Variants in FAM91A1 observed in about 807,000 individuals in gnomAD.
FAM91A1 encodes the protein protein FAM91A1.
FAM91A1 carries 41 observed loss-of-function variants against 113.5 expected under a neutral mutation model. The ratio of observed to expected loss-of-function variants is 0.36; its 90% confidence interval spans 0.28 to 0.47. FAM91A1 has a LOEUF of 0.47. FAM91A1 is among the 20% of genes least tolerant of loss of function. FAM91A1 has a pLI of 1.00. For synonymous variants in FAM91A1, 307 were observed against 347.9 expected, an observed-to-expected ratio of 0.88 and a Z score of 1.31; for missense variants, 696 against 1,001.2, an observed-to-expected ratio of 0.70 and a Z score of 4.11.
chr8:123,799,988 A>C, intron 18 of FAM91A1, 103 bp downstream of exon 18: 1 of 986,992 alleles, frequency 1.0e-6, no homozygotes, highest in South Asian at 1.8e-5. Flanking sequence ...TTTGAAATTT[A>C]TGAAGTTGAA....
At chr8:123,785,177 T>C (rs1330153304) in intron 10 of FAM91A1, 58 bp downstream of exon 10, 1 of 1,337,468 alleles carries the variant, frequency 7.5e-7, no homozygotes, top group Non-Finnish European at 1.0e-6. Flanking sequence ...ATTTTACTAG[T>C]AGATTTTTAT....
At chr8:123,806,336 A>G in intron 20 of FAM91A1, 107 bp downstream of exon 20, 11 of 1,154,220 alleles carry the variant, frequency 9.5e-6, no homozygotes, top group Non-Finnish European at 1.3e-5. Flanking sequence ...GAATTATTGA[A>G]TACTCAATAT....
chr8:123,785,222 T>C, intron 10 of FAM91A1, 103 bp downstream of exon 10: 1 of 1,001,814 alleles, frequency 1.0e-6, no homozygotes, highest in South Asian at 1.7e-5. Flanking sequence ...GACATTGAGA[T>C]TGTTGTTAGC....
At chr8:123,787,176 A>G in intron 12 of FAM91A1, 85 bp from the exon 13 acceptor site, 1 of 1,035,640 alleles carries the variant, frequency 9.7e-7, no homozygotes, top group Admixed American at 2.1e-5. Flanking sequence ...GTTATCAAAT[A>G]AAGCTGAAAT....
In FAM91A1 at chr8:123,814,519, G is replaced by A. The variant is rs1438749788; in HGVS notation, c.*1815G>A. 1 of 159,146 alleles carries A rather than the reference G, an allele frequency of 6.3e-6. No individual in the cohort carries two copies. The highest frequency in any genetic ancestry group is 1.4e-5 in the Non-Finnish European group (1 of 72,632). The allele number at this position is 159,146 out of a possible 1,614,324, so 9.9% of individuals were successfully genotyped here. On this transcript the variant is annotated 3_prime_UTR_variant, in exon 24 of 24. Transcript: ENST00000334705. ...GAACCCAGTTGTTGGTGAATTTAAA[G>A]CTTAAAATATGGGAATGATTTGCTG...
chr8:123,806,555 TG>T (rs1815817924), intron 20 of FAM91A1, among the ~76,000 whole-genome samples: 1 of 152,202 alleles, frequency 6.6e-6, no homozygotes, highest in Admixed American at 6.5e-5. Flanking sequence ...TTTCCAAAAT[TG>T]ACTTAATAGT....
chr8:123,808,222 T>C, intron 20 of FAM91A1, 50 bp from the exon 21 acceptor site: 1 of 1,465,518 alleles, frequency 6.8e-7, no homozygotes, highest in Non-Finnish European at 9.4e-7. Flanking sequence ...TATTGGCAGC[T>C]TCTGCTAACT....
rs72715051 is a variant in FAM91A1, at chr8:123,814,809, T to C, written c.*2105T>C. ...TTTGTTTTACTTATACATTAACTCA[T>C]GTAATCTCTTAAATCTTACAAGCAT... is the stretch of plus-strand genomic sequence containing the variant. On this transcript the variant is annotated 3_prime_UTR_variant, in exon 24 of 24. Transcript: ENST00000334705. 0.016 allele frequency: 2,419 copies of C among 152,802 alleles called. 35 individuals are homozygous for C. Among genetic ancestry groups the C allele is most frequent in the Middle Eastern group, 0.031 (9 of 294 alleles). The allele number at this position is 152,802 out of a possible 1,614,324, so 9.5% of individuals were successfully genotyped here.
At chr8:123,775,081 G>T in intron 2 of FAM91A1, 66 bp from the exon 3 acceptor site, 1 of 1,417,722 alleles carries the variant, frequency 7.1e-7, no homozygotes. Context: ...TTTGTAAAGT[G>T]TTCATAGTTA....
intron 17 of FAM91A1, 44 bp from the exon 18 acceptor site, chr8:123,799,728 C>A: frequency 6.2e-7 from 1 of 1,604,048 alleles, no homozygotes; most frequent in East Asian, 2.2e-5. Flanking sequence ...TAATATTTTC[C>A]TTATTTCTGA....
Position 123,775,235 on chromosome 8 carries a change from A to G in FAM91A1, c.246A>G (p.Leu82=). The change falls in exon 3 of 24, where the codon CTA becomes CTG. Residue 82 remains leucine (L), a synonymous_variant. Transcript: ENST00000334705. ...ATCTCATGCTGTACCCTTACCATCTATCGGATATTATGGTGAAAGGCTTGA... is the reference window on the plus strand; with the variant it reads ...ATCTCATGCTGTACCCTTACCATCTGTCGGATATTATGGTGAAAGGCTTGA... The part of the protein sequence containing the change: ...RDHLMLYPYH[L]SDIMVKGLRI... The G allele has an allele frequency of 3.7e-6, 6 of 1,614,000 alleles. No individual in the cohort carries two copies. The highest frequency in any genetic ancestry group is 2.2e-5 in the South Asian group (2 of 91,052).
At chr8:123,780,943 C>T (rs1017434418) in intron 8 of FAM91A1, among the ~76,000 whole-genome samples, 1 of 152,018 alleles carries the variant, frequency 6.6e-6, no homozygotes, top group Non-Finnish European at 1.5e-5. Flanking sequence ...TGTCTATTTC[C>T]TTTTCCCTTC....
rs1815879556 is a variant in FAM91A1, at chr8:123,808,913, TG to T, written c.2161del (p.Val721PhefsTer16). ...QTSGATTEADWVPLELCFGIP... is the reference protein window; with the variant it reads ...QTSGATTEADXVPLELCFGIP... ...CTTAGGTGCCACAACAGAAGCAGAT[TG>T]GGTTCCTCTCGAGCTGTGCTTTGGA... On this transcript the variant is annotated frameshift_variant, in exon 22 of 24. Coordinates refer to ENST00000334705, the MANE Select transcript of FAM91A1 (RefSeq NM_144963.4). LOFTEE classifies it high-confidence loss of function. 1 of 1,610,876 alleles carries T rather than the reference TG, an allele frequency of 6.2e-7. No individual in the cohort carries two copies.
At chr8:123,775,389 G>A (rs373616871) in intron 3 of FAM91A1, 91 bp downstream of exon 3, 88 of 1,451,470 alleles carry the variant, frequency 6.1e-5, no homozygotes, top group Middle Eastern at 5.4e-4. Flanking sequence ...TTCAGCTGTC[G>A]TCTGCGGTGG....
chr8:123,793,613 C>T (rs923025103), intron 15 of FAM91A1, among the ~76,000 whole-genome samples: 1 of 152,128 alleles, frequency 6.6e-6, no homozygotes, highest in South Asian at 2.1e-4. Context: ...CAGGTTTCTC[C>T]GCTAAGCAAT....
At chr8:123,794,600 T>G (rs1017325963) in intron 15 of FAM91A1, among the ~76,000 whole-genome samples, 6 of 152,220 alleles carry the variant, frequency 3.9e-5, no homozygotes, top group African/African-American at 1.4e-4. Context: ...CTGCTTAAAA[T>G]GCCCTGTGAC....
At chr8:123,802,125 G>A (rs776514653) in intron 18 of FAM91A1, among the ~76,000 whole-genome samples, 3 of 152,118 alleles carry the variant, frequency 2.0e-5, no homozygotes, top group Non-Finnish European at 4.4e-5. Flanking sequence ...GGTCAAATTT[G>A]TTTCAGGAAT....
intron 8 of FAM91A1, among the ~76,000 whole-genome samples, chr8:123,782,899 G>C (rs1290343760): frequency 1.3e-5 from 2 of 152,168 alleles, no homozygotes; most frequent in Admixed American, 6.5e-5. Flanking sequence ...GCCAAGCACA[G>C]TGGCTCACAC....
chr8:123,789,584 G>A, intron 14 of FAM91A1, 29 bp from the exon 15 acceptor site: 1 of 1,610,554 alleles, frequency 6.2e-7, no homozygotes, highest in Non-Finnish European at 8.5e-7. Flanking sequence ...TGGTATTTTT[G>A]TTGCAAAATC....
Sources: allele counts gnomAD v4.1 joint callset (sites outside exome capture counted in the v4.1 genomes callset), GRCh38; gene constraint gnomAD v4.1.1; transcripts MANE v1.5; gene names NCBI Gene and HGNC (gene_info 2026-07-23, HGNC 2026-07-21).